MED13: variants seen among roughly 807,000 people sequenced by gnomAD.
MED13 encodes the protein mediator complex subunit 13.
A neutral mutation model predicts 225.2 loss-of-function variants in MED13; 23 were observed. The ratio of observed to expected loss-of-function variants is 0.10; its 90% CI spans 0.07 to 0.14. The LOEUF is 0.14. MED13 is among the 10% of genes least tolerant of loss of function. MED13 has a pLI of 1.00. For synonymous variants in MED13, 942 were observed against 889.2 expected (o/e 1.06, Z -1.06); for missense variants, 2,197 against 2,594.5 (o/e 0.85, Z 3.33).
In MED13 at chr17:61,961,600, A is replaced by C. The variant is rs745986612; in HGVS notation, c.5244T>G (p.Leu1748=). Residue 1748 remains leucine, a synonymous_variant, in exon 22 of 30, where the codon CTT becomes CTG. Coordinates refer to ENST00000397786, the MANE Select transcript of MED13 (RefSeq NM_005121.3). ...FGPGLAMETA[L]RSPDRPECIR... is the part of the protein sequence containing the mutation. ...AACATATACTTACATCAGGACTTCT[A>C]AGGGCAGTTTCCATGGCTAAACCTG... 6.2e-7 allele frequency: 1 copy of C among 1,613,524 alleles called. No homozygotes were observed. Among genetic ancestry groups the C allele is most frequent in the East Asian group, 2.2e-5 (1 of 44,876 alleles).
At chr17:61,998,596 C>CTTTTTTTTT (rs58261678) in intron 9 of MED13, among the ~76,000 whole-genome samples, 2 of 115,542 alleles carry the variant, frequency 1.7e-5, no homozygotes, top group Admixed American at 9.1e-5. Flanking sequence ...TTCCCACCGC[C>CTTTTTTTTT]TTTTTTTTTT....
In MED13 at chr17:61,984,152, G is replaced by T. The variant is rs758870840; in HGVS notation, c.2888+19C>A. On this transcript the variant is annotated intron_variant, in intron 15 of 29. Coordinates refer to ENST00000397786, the MANE Select transcript of MED13 (RefSeq NM_005121.3). Reference sequence around the variant, plus strand: ...GCTGTATAAGCAGTCACATACTATTGTAACAACATAAATCATACCCCTCTT... The same window carrying T: ...GCTGTATAAGCAGTCACATACTATTTTAACAACATAAATCATACCCCTCTT... The T allele has an allele frequency of 4.1e-6, 6 of 1,481,146 alleles. No homozygotes were observed. Among genetic ancestry groups the T allele is most frequent in the Admixed American group, 4.8e-5 (2 of 41,786 alleles). 91.8% of individuals were successfully genotyped at this position (1,481,146 alleles called of 1,614,324 possible).
chr17:62,037,393 G>C (rs1370603255), intron 3 of MED13, among the ~76,000 whole-genome samples: 1 of 151,768 alleles, frequency 6.6e-6, no homozygotes, highest in Non-Finnish European at 1.5e-5. Flanking sequence ...GGCTGGGAGT[G>C]GTGGCTCATG....
intron 3 of MED13, among the ~76,000 whole-genome samples, chr17:62,039,443 C>T (rs1001489447): frequency 5.9e-5 from 9 of 151,966 alleles, no homozygotes; most frequent in African/African-American, 1.2e-4. Flanking sequence ...TGACCATGCC[C>T]AGCTAATTTT....
chr17:62,058,527 A>G (rs1238394614), intron 2 of MED13, among the ~76,000 whole-genome samples: 1 of 150,278 alleles, frequency 6.7e-6, no homozygotes, highest in Non-Finnish European at 1.5e-5. Flanking sequence ...TCTCAAAAAA[A>G]AAAAAAAAAA....
At chr17:62,012,167 G>A (rs1035091451) in intron 8 of MED13, among the ~76,000 whole-genome samples, 9 of 151,428 alleles carry the variant, frequency 5.9e-5, no homozygotes, top group Non-Finnish European at 1.2e-4. Context: ...AGTGAGCCGA[G>A]ATCACGCCAC....
rs2079938782 is a variant in MED13 at position 61,955,852 on chromosome 17, CAGTA to C, written c.5624-18_5624-15del. ...AACAGCTCCAATCTGTGGGTATCAA[CAGTA>C]AAAAAAAAAAAAAAAAAAAAAAAAA... is the stretch of plus-strand genomic sequence containing the variant. On this transcript the variant is annotated splice_polypyrimidine_tract_variant and intron_variant, in intron 24 of 29. Transcript: ENST00000397786. 5.3e-6 allele frequency: 1 copy of C among 187,802 alleles called. No individual in the cohort carries two copies. The highest frequency in any genetic ancestry group is 1.6e-4 in the South Asian group (1 of 6,428). The allele number at this position is 187,802 out of a possible 1,614,324, so 11.6% of individuals were successfully genotyped here. A position where few individuals can be genotyped will look rare whatever the true frequency, so the allele number is the denominator to read the frequency against.
Position 61,982,447 on chromosome 17 carries a change from C to G in MED13, c.3556G>C (p.Asp1186His), listed in dbSNP as rs777515608. The G allele has an allele frequency of 6.2e-7, 1 of 1,614,108 alleles. No individual in the cohort carries two copies. Among genetic ancestry groups the G allele is most frequent in the Non-Finnish European group, 8.5e-7 (1 of 1,180,050 alleles). Residue 1186 changes from aspartate (D) to histidine (H), a missense_variant, in exon 16 of 30, where the codon GAT (aspartate) becomes CAT (histidine). Around this residue, in one of 12 missense-constraint regions of MED13, gnomAD observed 203 missense variants for 209.7 expected, o/e 0.97. Coordinates refer to ENST00000397786, the MANE Select transcript of MED13 (RefSeq NM_005121.3). ...GGLKESEKLS[D>H]DLILLLQDQC... ...TCTTGTAGCAATAATATCAAATCAT[C>G]AGATAATTTTTCAGATTCCTTTAGT...
At chr17:62,041,349 G>A (rs76377447) in intron 3 of MED13, among the ~76,000 whole-genome samples, 1,844 of 152,232 alleles carry the variant, frequency 0.012, 38 homozygotes, top group African/African-American at 0.041. Context: ...GACAGACAAA[G>A]TAGAATGGTG....
At chr17:61,951,127 T>A in intron 27 of MED13, 129 bp from the exon 28 acceptor site, 2 of 652,628 alleles carry the variant, frequency 3.1e-6, no homozygotes, top group African/African-American at 1.9e-5. Context: ...TACTGAAGGA[T>A]ATTGAAAAAA....
At chr17:61,953,714 G>A (rs886318056) in intron 26 of MED13, among the ~76,000 whole-genome samples, 13 of 152,206 alleles carry the variant, frequency 8.5e-5, no homozygotes, top group Admixed American at 2.0e-4. Flanking sequence ...AAATAAATGC[G>A]TGTTGTTTTA....
In MED13 at chr17:61,971,034, A is replaced by T. The variant is rs551642050; in HGVS notation, c.3967+1693T>A. 5.7e-4 allele frequency among the ~76,000 whole-genome samples: 86 copies of T among 152,056 alleles called. 1 individual carries two copies. The highest frequency in any genetic ancestry group is 3.5e-3 in the South Asian group (17 of 4,814). ...AACAAATCTCAAAAATAATAATAAT[A>T]AATAAAATAAAAATACACCCATGCT... On this transcript the variant is annotated intron_variant, in intron 17 of 29. Coordinates refer to ENST00000397786, the MANE Select transcript of MED13 (RefSeq NM_005121.3).
Position 61,961,094 on chromosome 17 carries a change from T to C in MED13, c.5257-4A>G. The C allele has an allele frequency of 1.9e-6, 3 of 1,602,108 alleles. No individual in the cohort carries two copies. Among genetic ancestry groups the C allele is most frequent in the Non-Finnish European group, 2.6e-6 (3 of 1,171,766 alleles). On this transcript the variant is annotated splice_region_variant and splice_polypyrimidine_tract_variant and intron_variant, in intron 22 of 29. Transcript: ENST00000397786. ...AAAGTCGAATACACTCTGGTCTCTA[T>C]AAAATAAAAAATTAAGGTATTATCA...
chr17:62,002,791 A>AG (rs2080408110), intron 9 of MED13, among the ~76,000 whole-genome samples: 1 of 152,222 alleles, frequency 6.6e-6, no homozygotes, highest in African/African-American at 2.4e-5. Flanking sequence ...TAGTATGGGG[A>AG]ATCTCCCCAA....
Position 61,982,483 on chromosome 17 carries a change from C to A in MED13, c.3520G>T (p.Val1174Phe). Reference protein sequence around the residue: ...EALRATSAEHVNGGLKESEKL... With the variant: ...EALRATSAEHFNGGLKESEKL... The stretch of plus-strand genomic sequence containing the variant: ...TCAGATTCCTTTAGTCCTCCATTAA[C>A]ATGTTCAGCAGAGGTAGCCCTGAGA... The change falls in exon 16 of 30, where the codon GTT (valine) becomes TTT (phenylalanine). Residue 1174 changes from valine to phenylalanine, a missense_variant. Val to Phe is a conservative substitution (Grantham distance 50). Transcript: ENST00000397786. 1.2e-6 allele frequency: 2 copies of A among 1,614,238 alleles called. No homozygotes were observed. The highest frequency in any genetic ancestry group is 1.7e-6 in the Non-Finnish European group (2 of 1,180,040).
intron 23 of MED13, among the ~76,000 whole-genome samples, chr17:61,956,985 A>G (rs1021626714): frequency 2.0e-5 from 3 of 152,222 alleles, no homozygotes; most frequent in Non-Finnish European, 4.4e-5. Context: ...ATTATAATAT[A>G]TAAATTTTTA....
chr17:61,967,805 C>A (rs183946237), intron 18 of MED13, among the ~76,000 whole-genome samples: 2 of 152,096 alleles, frequency 1.3e-5, no homozygotes, highest in South Asian at 4.1e-4. Flanking sequence ...TATCTATATG[C>A]CCTCAATGTT....
At chr17:61,947,112 T>A in intron 28 of MED13, 95 bp from the exon 29 acceptor site, 1 of 819,974 alleles carries the variant, frequency 1.2e-6, no homozygotes, top group East Asian at 2.6e-5. Context: ...TATAAAATGA[T>A]GAAATACATT....
At position 62,002,311 on chromosome 17, in the gene MED13, G is replaced by A. The variant is rs956119210; in HGVS notation, c.1968-6946C>T. On this transcript the variant is annotated intron_variant, in intron 9 of 29. Coordinates refer to ENST00000397786, the MANE Select transcript of MED13 (RefSeq NM_005121.3). ...TCAAGACCAGCCTGGCCAACATGGCGAAACCCGTCTCTACTGAAAATACAA... is the reference window on the plus strand; with the variant it reads ...TCAAGACCAGCCTGGCCAACATGGCAAAACCCGTCTCTACTGAAAATACAA... Among the ~76,000 whole-genome samples the A allele has an allele frequency of 3.3e-5, 5 of 152,102 alleles. No homozygotes were observed. The South Asian group carries it at 8.3e-4, about 25-fold the overall frequency.
Sources: allele counts gnomAD v4.1 joint callset (sites outside exome capture counted in the v4.1 genomes callset), GRCh38; gene constraint gnomAD v4.1.1; regional missense constraint gnomAD v4.1.1; transcripts MANE v1.5; gene names NCBI Gene and HGNC (gene_info 2026-07-23, HGNC 2026-07-21).